The following FOXO3 variants were observed in gnomAD, a reference collection of about 807,000 sequenced individuals.
FOXO3 encodes forkhead box protein O3.
A neutral mutation model predicts 41.9 loss-of-function variants in FOXO3; 4 were observed. The observed-to-expected ratio is 0.10, with a 90% confidence interval of 0.05 to 0.22. FOXO3 has a LOEUF of 0.22. Ranked by LOEUF, FOXO3 falls within the 10% of genes least tolerant of loss-of-function variation. The pLI is 1.00. For synonymous variants in FOXO3, 318 were observed against 389.3 expected (o/e 0.82, Z 2.16); for missense variants, 534 against 906.8 (o/e 0.59, Z 5.28).
At chr6:108,569,404 G>A (rs183612349) in intron 1 of FOXO3, among the ~76,000 whole-genome samples, 16 of 152,270 alleles carry the variant, frequency 1.1e-4, no homozygotes, top group Admixed American at 3.9e-4. Context: ...AAAGAACTAC[G>A]GTAGCTGGCA....
At chr6:108,658,711 A>C (rs1332532522) in intron 1 of FOXO3, among the ~76,000 whole-genome samples, 1 of 152,134 alleles carries the variant, frequency 6.6e-6, no homozygotes, top group Non-Finnish European at 1.5e-5. Context: ...GGTGTGAGCC[A>C]CCGTGCCTGG....
chr6:108,656,159 G>A (rs562430286), intron 1 of FOXO3, among the ~76,000 whole-genome samples: 1 of 151,698 alleles, frequency 6.6e-6, no homozygotes, highest in Non-Finnish European at 1.5e-5. Context: ...GAGAGGAGGG[G>A]GTTGTCTTTA....
intron 1 of FOXO3, among the ~76,000 whole-genome samples, chr6:108,653,669 G>C (rs1778608522): frequency 6.6e-6 from 1 of 152,166 alleles, no homozygotes; most frequent in South Asian, 2.1e-4. Context: ...CATATGTCAT[G>C]AAAGTGATGC....
intron 1 of FOXO3, among the ~76,000 whole-genome samples, chr6:108,575,379 A>G (rs1157194747): frequency 7.3e-6 from 1 of 136,220 alleles, no homozygotes; most frequent in Admixed American, 8.2e-5. Context: ...CTTAATACCT[A>G]AAAAAAAAAA....
At chr6:108,581,845 TCCC>T (rs939262344) in intron 1 of FOXO3, among the ~76,000 whole-genome samples, 4 of 152,206 alleles carry the variant, frequency 2.6e-5, no homozygotes, top group African/African-American at 9.6e-5. Context: ...ATGCCATCTT[TCCC>T]CCATTATCTC....
chr6:108,635,395 A>T (rs1471700644), intron 1 of FOXO3, among the ~76,000 whole-genome samples: 2 of 152,174 alleles, frequency 1.3e-5, no homozygotes, highest in East Asian at 3.9e-4. Context: ...AGGGAATACG[A>T]AGGGTATTTC....
rs1490875513 is a variant in FOXO3, at chr6:108,664,225, C to T, written c.1392C>T (p.His464=). 1.9e-6 allele frequency: 3 copies of T among 1,609,754 alleles called. No individual in the cohort carries two copies. Among genetic ancestry groups the T allele is most frequent in the African/African-American group, 2.7e-5 (2 of 74,670 alleles). ...NKPATFSSMS[H]YGNQTLQDLL... ...CAGCTACCTTCTCTTCCATGTCACACTATGGTAACCAGACACTCCAGGACC... is the reference window on the plus strand; with the variant it reads ...CAGCTACCTTCTCTTCCATGTCACATTATGGTAACCAGACACTCCAGGACC... The change falls in exon 2 of 3, where the codon CAC becomes CAT. Residue 464 remains histidine, a synonymous_variant. Transcript: ENST00000406360.
At chr6:108,610,742 C>A (rs1426623076) in intron 1 of FOXO3, among the ~76,000 whole-genome samples, 1 of 152,166 alleles carries the variant, frequency 6.6e-6, no homozygotes, top group Non-Finnish European at 1.5e-5. Context: ...GATAAAAACT[C>A]TTTTCCTATA....
intron 1 of FOXO3, among the ~76,000 whole-genome samples, chr6:108,637,989 A>G (rs188517605): frequency 3.5e-4 from 54 of 152,350 alleles, no homozygotes; most frequent in African/African-American, 1.1e-3. Context: ...TGAAATAAAT[A>G]TACTTAGAAG....
chr6:108,582,183 C>T (rs374065883), intron 1 of FOXO3, among the ~76,000 whole-genome samples: 5 of 152,270 alleles, frequency 3.3e-5, no homozygotes, highest in African/African-American at 1.2e-4. Context: ...TGGTATAGGC[C>T]ATTTATTTAC....
chr6:108,620,256 C>A (rs1223638111), intron 1 of FOXO3, among the ~76,000 whole-genome samples: 1 of 152,126 alleles, frequency 6.6e-6, no homozygotes, highest in Non-Finnish European at 1.5e-5. Flanking sequence ...GAGGTCTTAA[C>A]GTGGTTTCAT....
intron 1 of FOXO3, among the ~76,000 whole-genome samples, chr6:108,660,642 G>T (rs1366725351): frequency 6.6e-6 from 1 of 152,178 alleles, no homozygotes; most frequent in African/African-American, 2.4e-5. Flanking sequence ...AGGCCAAGGT[G>T]GGCAGATCAC....
At chr6:108,674,550 G>A (rs1011391887) in intron 2 of FOXO3, among the ~76,000 whole-genome samples, 9 of 152,154 alleles carry the variant, frequency 5.9e-5, no homozygotes, top group Non-Finnish European at 1.2e-4. Context: ...GCCATTTCAG[G>A]CACATTATGA....
At chr6:108,593,906 A>T (rs1199930079) in intron 1 of FOXO3, among the ~76,000 whole-genome samples, 6 of 151,492 alleles carry the variant, frequency 4.0e-5, no homozygotes, top group African/African-American at 1.5e-4. Flanking sequence ...TTTAGTAGAG[A>T]TGGAGTTTCA....
At chr6:108,655,447 G>A (rs776173222) in intron 1 of FOXO3, among the ~76,000 whole-genome samples, 1 of 152,158 alleles carries the variant, frequency 6.6e-6, no homozygotes, top group African/African-American at 2.4e-5. Context: ...CATTAGATTG[G>A]AATCAGATCC....
chr6:108,637,461 C>T (rs1223671104), intron 1 of FOXO3, among the ~76,000 whole-genome samples: 1 of 151,940 alleles, frequency 6.6e-6, no homozygotes, highest in Non-Finnish European at 1.5e-5. Context: ...AAATCTCGTT[C>T]AATAATAGAA....
Position 108,683,634 on chromosome 6 carries a change from C to T in FOXO3, c.*3842C>T, listed in dbSNP as rs1469683928. On this transcript the variant is annotated 3_prime_UTR_variant, in exon 3 of 3. Transcript: ENST00000406360. ...CCAGGAGGCGGAGGTCGCAGTGAGC[C>T]GAGATCATGCCAGTGCACTCCAGCC... The T allele has an allele frequency of 2.7e-5, 4 of 149,616 alleles. No individual in the cohort carries two copies. Among genetic ancestry groups the T allele is most frequent in the South Asian group, 2.1e-4 (1 of 4,716 alleles). The allele number at this position is 149,616 out of a possible 1,614,324, so 9.3% of individuals were successfully genotyped here. A position where few individuals can be genotyped will look rare whatever the true frequency, so the allele number is the denominator to read the frequency against.
intron 2 of FOXO3, among the ~76,000 whole-genome samples, chr6:108,674,534 A>G (rs1047564116): frequency 6.6e-6 from 1 of 152,206 alleles, no homozygotes; most frequent in Non-Finnish European, 1.5e-5. Flanking sequence ...AGTCCCTGAA[A>G]AAGTTGCCAT....
At chr6:108,560,139 C>G (rs1383619494), upstream of FOXO3, 1 of 152,392 alleles carries the variant, frequency 6.6e-6, no homozygotes, top group Non-Finnish European at 1.5e-5. Context: ...CCTTCTCGCC[C>G]GCTAGTGTTT....
Sources: gnomAD v4.1 joint callset for allele counts (sites outside exome capture counted in the v4.1 genomes callset) on GRCh38, gnomAD v4.1.1 for gene constraint, MANE v1.5 for transcripts, NCBI Gene and HGNC (gene_info 2026-07-23, HGNC 2026-07-21) for gene names.